The following TSHZ2 variants were observed in gnomAD, a reference collection of about 807,000 sequenced individuals.
TSHZ2 encodes the protein teashirt zinc finger homeobox 2.
Under a neutral mutation model 74.4 loss-of-function variants are expected in TSHZ2, and 21 were observed. The ratio of observed to expected loss-of-function variants is 0.28; its 90% confidence interval spans 0.20 to 0.41. The LOEUF (loss-of-function observed/expected upper bound fraction) is 0.41, where lower values mean the gene tolerates loss of function less well. Ranked by LOEUF, TSHZ2 falls within the 10% of genes least tolerant of loss-of-function variation. The pLI is 1.00. For missense variants in TSHZ2, 1,244 were observed against 1,293.5 expected (o/e 0.96, Z 0.59); for synonymous variants, 540 against 515.3 (o/e 1.05, Z -0.65).
intron 1 of TSHZ2, among the ~76,000 whole-genome samples, chr20:53,027,005 TAAAC>T (rs899947567): frequency 2.0e-5 from 3 of 151,912 alleles, no homozygotes; most frequent in African/African-American, 4.8e-5. Flanking sequence ...AATACATAAA[TAAAC>T]AACAAAAACT....
At chr20:53,262,844 AATGTT>A (rs1568842169) in intron 2 of TSHZ2, among the ~76,000 whole-genome samples, 1 of 152,040 alleles carries the variant, frequency 6.6e-6, no homozygotes, top group African/African-American at 2.4e-5. Context: ...ATCCAGTGTA[AATGTT>A]ATGTGAGGCT....
Position 53,469,084 on chromosome 20 carries a change from T to TATATATATATATATAC in TSHZ2, c.*9-18060_*9-18059insATATATATATATATAC, listed in dbSNP as rs1351403317. Among the ~76,000 whole-genome samples the TATATATATATATATAC allele has an allele frequency of 1.1e-4, 15 of 132,344 alleles. 1 individual carries two copies. The highest frequency in any genetic ancestry group is 4.1e-4 in the African/African-American group (15 of 36,394). 86.8% of individuals were successfully genotyped at this position (132,344 alleles called of 152,430 possible). ...ATATATATATATATATATATATATA[T>TATATATATATATATAC]GTACATATTCTAATTGAATGTTAGA... On this transcript the variant is annotated intron_variant, in intron 2 of 2. Coordinates refer to ENST00000371497, the MANE Select transcript of TSHZ2 (RefSeq NM_173485.6).
At chr20:53,481,650 T>A (rs1600672985) in intron 2 of TSHZ2, among the ~76,000 whole-genome samples, 1 of 152,120 alleles carries the variant, frequency 6.6e-6, no homozygotes, top group Admixed American at 6.6e-5. Context: ...AAGATTTGGA[T>A]CTTCTCTTTA....
intron 1 of TSHZ2, among the ~76,000 whole-genome samples, chr20:53,247,524 C>T (rs1315103928): frequency 1.3e-5 from 2 of 152,180 alleles, no homozygotes. Flanking sequence ...ACATGCATGC[C>T]AATTAGTGCC....
At chr20:53,210,722 G>A (rs1989283209) in intron 1 of TSHZ2, among the ~76,000 whole-genome samples, 1 of 149,000 alleles carries the variant, frequency 6.7e-6, no homozygotes, top group Non-Finnish European at 1.5e-5. Context: ...CAGGCTTGAT[G>A]GGGGGGCTCT....
intron 1 of TSHZ2, among the ~76,000 whole-genome samples, chr20:53,049,249 C>T (rs1320106251): frequency 3.3e-5 from 5 of 152,134 alleles, no homozygotes; most frequent in Non-Finnish European, 7.4e-5. Flanking sequence ...CTCACCATTC[C>T]ATGACTCCAA....
intron 1 of TSHZ2, among the ~76,000 whole-genome samples, chr20:52,977,363 C>T (rs1334952515): frequency 6.6e-6 from 1 of 151,668 alleles, no homozygotes; most frequent in Non-Finnish European, 1.5e-5. Flanking sequence ...TTAAATATCT[C>T]ACGCGATGGA....
intron 1 of TSHZ2, among the ~76,000 whole-genome samples, chr20:53,091,917 C>T (rs374114638): frequency 6.6e-6 from 1 of 152,022 alleles, no homozygotes; most frequent in African/African-American, 2.4e-5. Context: ...ATGGTGGTAC[C>T]CGCCTGTTGT....
intron 1 of TSHZ2, among the ~76,000 whole-genome samples, chr20:53,022,936 TTG>T (rs1182138938): frequency 6.6e-6 from 1 of 152,126 alleles, no homozygotes; most frequent in East Asian, 1.9e-4. Context: ...TGGCGATGCA[TTG>T]TGTGTTATTG....
At chr20:53,258,864 C>T (rs768931428) in intron 2 of TSHZ2, among the ~76,000 whole-genome samples, 27 of 152,168 alleles carry the variant, frequency 1.8e-4, no homozygotes, top group Non-Finnish European at 1.2e-4. Flanking sequence ...TGCAGAAAAA[C>T]AGGTTTGAGT....
chr20:53,474,531 C>T (rs1406801485), intron 2 of TSHZ2, among the ~76,000 whole-genome samples: 5 of 118,168 alleles, frequency 4.2e-5, no homozygotes, highest in East Asian at 2.6e-4. Flanking sequence ...AAAGAACAAC[C>T]GGTACCAGCC....
intron 1 of TSHZ2, among the ~76,000 whole-genome samples, chr20:53,190,086 AATAT>A (rs544193424): frequency 0.015 from 378 of 24,988 alleles, 6 homozygotes; most frequent in Middle Eastern, 0.062. Flanking sequence ...CCCTGTCTCA[AATAT>A]ATATATATAT....
At chr20:53,367,580 C>A (rs1037998557) in intron 2 of TSHZ2, among the ~76,000 whole-genome samples, 3 of 151,392 alleles carry the variant, frequency 2.0e-5, no homozygotes, top group Admixed American at 6.6e-5. Flanking sequence ...TTTTCTTATT[C>A]TTTTTTTTCT....
intron 1 of TSHZ2, among the ~76,000 whole-genome samples, chr20:53,182,938 T>C (rs554627781): frequency 6.6e-6 from 1 of 152,306 alleles, no homozygotes; most frequent in South Asian, 2.1e-4. Flanking sequence ...GGAACAAATC[T>C]AATGATTGTT....
chr20:53,178,491 AT>A (rs775614199), intron 1 of TSHZ2: 8 of 152,272 alleles, frequency 5.3e-5, no homozygotes, highest in Non-Finnish European at 1.2e-4. Flanking sequence ...GACTCTGTCC[AT>A]TGTAAAACAT....
At chr20:53,015,088 C>T (rs1400640185) in intron 1 of TSHZ2, among the ~76,000 whole-genome samples, 2 of 152,152 alleles carry the variant, frequency 1.3e-5, no homozygotes, top group African/African-American at 4.8e-5. Context: ...TGACCCCATT[C>T]TGTCCTCTCA....
intron 1 of TSHZ2, among the ~76,000 whole-genome samples, chr20:53,235,877 G>A (rs974524684): frequency 1.3e-5 from 2 of 152,212 alleles, no homozygotes; most frequent in South Asian, 4.1e-4. Context: ...CTGTTCCATT[G>A]TAGCTCATCT....
chr20:53,279,292 A>C (rs1991009980), intron 2 of TSHZ2, among the ~76,000 whole-genome samples: 1 of 152,258 alleles, frequency 6.6e-6, no homozygotes, highest in Non-Finnish European at 1.5e-5. Context: ...GTAGCATAAA[A>C]GCAATGATAG....
chr20:53,228,780 G>A (rs916562451), intron 1 of TSHZ2, among the ~76,000 whole-genome samples: 7 of 151,768 alleles, frequency 4.6e-5, no homozygotes, highest in Non-Finnish European at 2.9e-5. Context: ...ACCACCTCCC[G>A]AGTTGAGACA....
Sources: gnomAD v4.1 joint callset for allele counts (sites outside exome capture counted in the v4.1 genomes callset) on GRCh38, gnomAD v4.1.1 for gene constraint, MANE v1.5 for transcripts, NCBI Gene and HGNC (gene_info 2026-07-23, HGNC 2026-07-21) for gene names.